Variants in CDH4 observed in about 807,000 individuals in gnomAD.
CDH4 encodes the protein cadherin 4.
CDH4 carries 33 observed loss-of-function variants against 86.0 expected under a neutral mutation model. The observed-to-expected ratio is 0.38, with a 90% CI of 0.29 to 0.51. The LOEUF is 0.51. Among genes scored for constraint, CDH4 ranks in the 20% least tolerant of loss-of-function variants. The pLI, the probability that CDH4 is intolerant of heterozygous loss-of-function variation, is 0.86. For missense variants in CDH4, 1,114 were observed against 1,307.4 expected, an observed-to-expected ratio of 0.85 and a Z score of 2.28; for synonymous variants, 555 against 549.4, an observed-to-expected ratio of 1.01 and a Z score of -0.14.
At chr20:61,613,987 C>A (rs574549004) in intron 2 of CDH4, among the ~76,000 whole-genome samples, 1 of 152,176 alleles carries the variant, frequency 6.6e-6, no homozygotes, top group African/African-American at 2.4e-5. Context: ...GTCTCTGGTG[C>A]AGATGTTCGT....
chr20:61,489,500 C>G (rs915141840), intron 2 of CDH4, among the ~76,000 whole-genome samples: 1 of 152,186 alleles, frequency 6.6e-6, no homozygotes, highest in African/African-American at 2.4e-5. Context: ...TTGCACCCAC[C>G]TAATAGTCGT....
In CDH4 at chr20:61,934,093, T is replaced by C. The variant is rs747401006; in HGVS notation, c.2417T>C (p.Met806Thr). 3 of 1,611,206 alleles carry C rather than the reference T, an allele frequency of 1.9e-6. No individual in the cohort carries two copies. The African/African-American group carries it at 4.0e-5, about 22-fold the overall frequency. The part of the protein sequence containing the change: ...DLSQLQQPEA[M>T]GHVPSKAPGV... ...AGCCAGCTGCAGCAGCCGGAAGCCATGGGGCACGTGCCAAGCAAAGCCCCT... is the reference window on the plus strand; with the variant it reads ...AGCCAGCTGCAGCAGCCGGAAGCCACGGGGCACGTGCCAAGCAAAGCCCCT... The change falls in exon 15 of 16, where the codon ATG (methionine) becomes ACG (threonine). Residue 806 changes from methionine (M) to threonine (T), a missense_variant. Coordinates refer to ENST00000614565, the MANE Select transcript of CDH4 (RefSeq NM_001794.5).
chr20:61,617,216 G>T (rs953129405), intron 2 of CDH4, among the ~76,000 whole-genome samples: 1 of 152,128 alleles, frequency 6.6e-6, no homozygotes, highest in Non-Finnish European at 1.5e-5. Flanking sequence ...TACTTCCCAC[G>T]CTGTGTCGTG....
chr20:61,933,310 C>A (rs1446133152), intron 14 of CDH4, among the ~76,000 whole-genome samples, 186 bp downstream of exon 14: 1 of 152,252 alleles, frequency 6.6e-6, no homozygotes, highest in Non-Finnish European at 1.5e-5. Flanking sequence ...CTGCATCCCC[C>A]ACGGGGGATC....
At chr20:61,469,382 C>G (rs552695516) in intron 2 of CDH4, among the ~76,000 whole-genome samples, 2 of 152,074 alleles carry the variant, frequency 1.3e-5, no homozygotes, top group African/African-American at 4.8e-5. Context: ...CTATTCAGAC[C>G]TTTGCCCATT....
At position 61,544,478 on chromosome 20, in the gene CDH4, G is replaced by T. The variant is rs901562956; in HGVS notation, c.170-199085G>T. ...GCAGTGGGAGCCGCAGGGCATCGGGGTCTTCGAAGGAAAGCCCGTGGATTA... is the reference window on the plus strand; with the variant it reads ...GCAGTGGGAGCCGCAGGGCATCGGGTTCTTCGAAGGAAAGCCCGTGGATTA... On this transcript the variant is annotated intron_variant, in intron 2 of 15. Transcript: ENST00000614565. The surrounding 1 kb of genome is among the most constrained non-coding windows in gnomAD (Gnocchi z 6.5). Among the ~76,000 whole-genome samples the T allele has an allele frequency of 6.6e-6, 1 of 151,872 alleles. No homozygotes were observed. Among genetic ancestry groups the T allele is most frequent in the Non-Finnish European group, 1.5e-5 (1 of 67,978 alleles).
intron 2 of CDH4, among the ~76,000 whole-genome samples, chr20:61,413,169 C>A (rs1050864094): frequency 2.0e-5 from 3 of 151,794 alleles, no homozygotes; most frequent in African/African-American, 7.3e-5. Flanking sequence ...AAGCTCCCCT[C>A]CCCATTCGCA....
chr20:61,762,495 G>C (rs2088646799), intron 3 of CDH4, among the ~76,000 whole-genome samples: 1 of 152,204 alleles, frequency 6.6e-6, no homozygotes, highest in South Asian at 2.1e-4. Context: ...TGGCTCACAG[G>C]GGTGTGTGGA....
intron 2 of CDH4, among the ~76,000 whole-genome samples, chr20:61,456,430 T>C (rs1354950959): frequency 6.6e-6 from 1 of 152,160 alleles, no homozygotes; most frequent in Non-Finnish European, 1.5e-5. Context: ...CTAGGGATAT[T>C]TTTAGTTTTC....
At position 61,930,028 on chromosome 20, in the gene CDH4, G is replaced by A. The variant is rs181047348; in HGVS notation, c.2239+186G>A. Among the ~76,000 whole-genome samples the A allele has an allele frequency of 1.7e-3, 252 of 152,332 alleles. 3 individuals are homozygous for A. Among genetic ancestry groups the A allele is most frequent in the Non-Finnish European group, 4.3e-4 (29 of 68,036 alleles). ...TGACAATGGGAAATTGGAGCCTCCC[G>A]TTACTCTCAAGTCTGGAGGTGCAGG... On this transcript the variant is annotated intron_variant, in intron 13 of 15. Coordinates refer to ENST00000614565, the MANE Select transcript of CDH4 (RefSeq NM_001794.5).
At chr20:61,927,806 C>T (rs1020055328) in intron 11 of CDH4, among the ~76,000 whole-genome samples, 64 of 152,282 alleles carry the variant, frequency 4.2e-4, no homozygotes, top group Admixed American at 3.5e-3. Context: ...TGCCACACCC[C>T]GCTGTGTGCG....
chr20:61,760,608 C>CAG (rs34069902), intron 3 of CDH4, among the ~76,000 whole-genome samples: 22,403 of 152,296 alleles, frequency 0.15, 1,785 homozygotes, highest in Non-Finnish European at 0.17. Flanking sequence ...GCACTGAGCC[C>CAG]AGACCTCGGT....
chr20:61,845,166 G>A (rs924980066), intron 5 of CDH4, among the ~76,000 whole-genome samples: 4 of 152,220 alleles, frequency 2.6e-5, no homozygotes. Flanking sequence ...GGGGCTGGGA[G>A]TCAGGGTCAC....
At chr20:61,381,902 C>A (rs547033586) in intron 2 of CDH4, among the ~76,000 whole-genome samples, 1 of 150,774 alleles carries the variant, frequency 6.6e-6, no homozygotes, top group South Asian at 2.1e-4. Context: ...TGGTGAAACC[C>A]CATCTCTACT....
intron 2 of CDH4, among the ~76,000 whole-genome samples, chr20:61,652,858 TG>T (rs202066224): frequency 2.8e-5 from 4 of 141,388 alleles, no homozygotes; most frequent in East Asian, 4.0e-4. Flanking sequence ...AATTTTTTTT[TG>T]GGGGGGGGAT....
chr20:61,313,578 C>T (rs545661523), intron 2 of CDH4, among the ~76,000 whole-genome samples: 2 of 152,204 alleles, frequency 1.3e-5, no homozygotes, highest in African/African-American at 2.4e-5. Context: ...CGGTTGCTTG[C>T]AGCCTGCATG....
In CDH4 at chr20:61,668,132, C is replaced by A. The variant is rs188189326; in HGVS notation, c.170-75431C>A. Among the ~76,000 whole-genome samples the A allele has an allele frequency of 3.2e-4, 49 of 152,328 alleles. No individual in the cohort carries two copies. In the South Asian group the frequency reaches 8.5e-3, roughly 26 times the overall value. ...TCTCCAACCCTAAGAGAAGAAAAGC[C>A]CTATTCTCCTCCAGAGGTCAGGTTG... is the stretch of plus-strand genomic sequence containing the variant. On this transcript the variant is annotated intron_variant, in intron 2 of 15. Coordinates refer to ENST00000614565, the MANE Select transcript of CDH4 (RefSeq NM_001794.5).
intron 2 of CDH4, among the ~76,000 whole-genome samples, chr20:61,307,329 G>C (rs150362221): frequency 6.7e-6 from 1 of 150,334 alleles, no homozygotes; most frequent in Non-Finnish European, 1.5e-5. Flanking sequence ...GCTCCAACAC[G>C]CCTTGCATGT....
At chr20:61,568,018 A>G (rs1400107295) in intron 2 of CDH4, among the ~76,000 whole-genome samples, 2 of 152,234 alleles carry the variant, frequency 1.3e-5, no homozygotes, top group East Asian at 1.9e-4. Flanking sequence ...AGGTAGTCAT[A>G]GAGGAGATCA....
Sources: allele counts gnomAD v4.1 joint callset (sites outside exome capture counted in the v4.1 genomes callset), GRCh38; gene constraint gnomAD v4.1.1; non-coding constraint Gnocchi (gnomAD v3.1); transcripts MANE v1.5; gene names NCBI Gene and HGNC (gene_info 2026-07-23, HGNC 2026-07-21).